Variants in STX18 observed in about 807,000 individuals in gnomAD.
The protein encoded by STX18 is syntaxin 18, also known as syntaxin-18.
STX18 carries 40 observed loss-of-function variants against 50.1 expected under a neutral mutation model. The observed-to-expected ratio is 0.80, with a 90% CI of 0.62 to 1.04. The LOEUF (loss-of-function observed/expected upper bound fraction) is 1.04. STX18 is among the 50% of genes least tolerant of loss of function. The pLI, the probability that STX18 is intolerant of heterozygous loss-of-function variation, is 0.00. For synonymous variants in STX18, 158 were observed against 151.8 expected (o/e 1.04, Z -0.30); for missense variants, 410 against 415.8 (o/e 0.99, Z 0.12).
At chr4:4,495,560 TTTC>T (rs1180180199) in intron 1 of STX18, among the ~76,000 whole-genome samples, 6 of 136,404 alleles carry the variant, frequency 4.4e-5, no homozygotes, top group African/African-American at 1.4e-4. Context: ...TTTTTTTTCT[TTTC>T]TTTTTTTTTT....
intron 6 of STX18, chr4:4,437,585 T>C (rs924229007): frequency 2.8e-5 from 28 of 983,742 alleles, no homozygotes; most frequent in African/African-American, 3.5e-5. Context: ...CAACCTGTAA[T>C]TTCTGTGACA....
intron 2 of STX18, among the ~76,000 whole-genome samples, chr4:4,461,588 T>C (rs1435739896): frequency 6.6e-6 from 1 of 152,192 alleles, no homozygotes; most frequent in East Asian, 1.9e-4. Flanking sequence ...ATACTCCACA[T>C]AAAATGTTCC....
At chr4:4,439,810 TC>T (rs1726013403) in intron 5 of STX18, among the ~76,000 whole-genome samples, 1 of 152,100 alleles carries the variant, frequency 6.6e-6, no homozygotes. Flanking sequence ...CAGGGCATCG[TC>T]TTCCTTCCCA....
intron 6 of STX18, among the ~76,000 whole-genome samples, chr4:4,435,062 C>T (rs1318639862): frequency 1.3e-5 from 2 of 152,102 alleles, no homozygotes; most frequent in African/African-American, 4.8e-5. Context: ...TGTGCAGGCA[C>T]GTGCATGTGT....
At chr4:4,459,350 T>C (rs1727256238) in intron 3 of STX18, 22 bp downstream of exon 3, 2 of 1,574,800 alleles carry the variant, frequency 1.3e-6, no homozygotes, top group Non-Finnish European at 1.7e-6. Context: ...GTTGCTTGTT[T>C]GCATCTTTCA....
intron 6 of STX18, among the ~76,000 whole-genome samples, chr4:4,437,309 T>A (rs1337166248): frequency 6.6e-6 from 1 of 152,146 alleles, no homozygotes; most frequent in Non-Finnish European, 1.5e-5. Context: ...CCCTCTGCTC[T>A]CTCTTGAGGT....
intron 1 of STX18, among the ~76,000 whole-genome samples, chr4:4,536,074 T>C (rs1731314033): frequency 6.6e-6 from 1 of 152,228 alleles, no homozygotes; most frequent in African/African-American, 2.4e-5. Flanking sequence ...AGAATGTAAA[T>C]GTGTTGAGGG....
intron 1 of STX18, among the ~76,000 whole-genome samples, chr4:4,523,816 T>C (rs1425575709): frequency 6.6e-6 from 1 of 152,196 alleles, no homozygotes; most frequent in East Asian, 1.9e-4. Context: ...AGTCCCCTAC[T>C]GAAAACTTTT....
Position 4,476,169 on chromosome 4 carries a change from A to C in STX18, c.169-4463T>G, listed in dbSNP as rs909340099. 7.2e-5 allele frequency: 11 copies of C among 152,242 alleles called. 1 individual carries two copies. The highest frequency in any genetic ancestry group is 5.2e-4 in the Admixed American group (8 of 15,286). The allele number at this position is 152,242 out of a possible 1,614,324, so 9.4% of individuals were successfully genotyped here. ...TCTATCATGGAAAAGAGTTTTCATC[A>C]GTGAGCTACGGTTTGATTACACCGC... On this transcript the variant is annotated intron_variant, in intron 1 of 10. Coordinates refer to ENST00000306200, the MANE Select transcript of STX18 (RefSeq NM_016930.4).
chr4:4,500,347 A>T (rs1729381362), intron 1 of STX18, among the ~76,000 whole-genome samples: 1 of 152,216 alleles, frequency 6.6e-6, no homozygotes, highest in African/African-American at 2.4e-5. Context: ...TTTTTTAAAA[A>T]GGATGCTGCA....
intron 1 of STX18, among the ~76,000 whole-genome samples, chr4:4,512,639 C>T (rs1241874936): frequency 6.6e-6 from 1 of 152,182 alleles, no homozygotes; most frequent in African/African-American, 2.4e-5. Context: ...ACTAGATTTG[C>T]TTTTCTGCAT....
intron 5 of STX18, among the ~76,000 whole-genome samples, chr4:4,453,310 T>C (rs1726863804): frequency 6.6e-6 from 1 of 152,202 alleles, no homozygotes; most frequent in African/African-American, 2.4e-5. Flanking sequence ...TTCATTGTTG[T>C]CTTATTTTAA....
intron 2 of STX18, among the ~76,000 whole-genome samples, chr4:4,460,517 T>A (rs182167706): frequency 6.6e-6 from 1 of 152,206 alleles, no homozygotes; most frequent in East Asian, 1.9e-4. Flanking sequence ...AGGGGTAAGA[T>A]GAGCACGAAG....
At chr4:4,480,143 G>A (rs1418448497) in intron 1 of STX18, among the ~76,000 whole-genome samples, 1 of 152,136 alleles carries the variant, frequency 6.6e-6, no homozygotes, top group Non-Finnish European at 1.5e-5. Flanking sequence ...GATTGTAGGT[G>A]GTAAGATTTG....
chr4:4,434,798 T>C lies in STX18; in HGVS notation c.674A>G (p.Asp225Gly). Residue 225 changes from aspartate (D) to glycine (G), a missense_variant, in exon 7 of 11, where the codon GAT becomes GGT. Coordinates refer to ENST00000306200, the MANE Select transcript of STX18 (RefSeq NM_016930.4). ...LGTWGDGKGE[D>G]ELSPEEIQMF... ...TTGTATTTCTTCTGGGGATAACTCA[T>C]CTTCGCCTTTGCCATCTCCCCACGT... The C allele has an allele frequency of 6.2e-7, 1 of 1,607,616 alleles. No individual in the cohort carries two copies. The highest frequency in any genetic ancestry group is 8.5e-7 in the Non-Finnish European group (1 of 1,178,412).
intron 7 of STX18, chr4:4,425,600 A>G (rs1577310173): frequency 3.7e-6 from 1 of 273,704 alleles, no homozygotes; most frequent in East Asian, 7.8e-5. Context: ...CTCATGAACT[A>G]TACTGAAGGA....
At chr4:4,496,013 C>G (rs1022005477) in intron 1 of STX18, among the ~76,000 whole-genome samples, 1 of 152,098 alleles carries the variant, frequency 6.6e-6, no homozygotes, top group Non-Finnish European at 1.5e-5. Context: ...ACTATATTTC[C>G]TCAAGTAATG....
chr4:4,499,416 T>C (rs1729334246), intron 1 of STX18: 2 of 819,342 alleles, frequency 2.4e-6, no homozygotes, highest in South Asian at 1.1e-4. Context: ...TCAAAGATTC[T>C]GAAAGCAAAG....
intron 1 of STX18, among the ~76,000 whole-genome samples, chr4:4,511,713 AGTGTGTGTGTGTGT>A (rs3038434): frequency 4.2e-3 from 574 of 137,500 alleles, no homozygotes; most frequent in Middle Eastern, 7.4e-3. Flanking sequence ...ACTCATGATT[AGTGTGTGTGTGTGT>A]GTGTGTGTGT....
Sources: allele counts gnomAD v4.1 joint callset (sites outside exome capture counted in the v4.1 genomes callset), GRCh38; gene constraint gnomAD v4.1.1; transcripts MANE v1.5; gene names NCBI Gene and HGNC (gene_info 2026-07-23, HGNC 2026-07-21).